PLD1: variants seen among roughly 807,000 people sequenced by gnomAD.
The protein encoded by PLD1 is choline phosphatase 1.
Under a neutral mutation model 137.1 loss-of-function variants are expected in PLD1, and 112 were observed. That is an observed-to-expected ratio of 0.82 (90% CI 0.70 to 0.96). The LOEUF (loss-of-function observed/expected upper bound fraction) is 0.96, where lower values mean the gene tolerates loss of function less well. PLD1 is among the 40% of genes least tolerant of loss of function. The pLI, the probability that PLD1 is intolerant of heterozygous loss-of-function variation, is 0.00. For missense variants in PLD1, 1,321 were observed against 1,342.0 expected (o/e 0.98, Z 0.24); for synonymous variants, 431 against 454.7 (o/e 0.95, Z 0.66).
At chr3:171,703,162 T>G (rs1321357592) in intron 11 of PLD1, among the ~76,000 whole-genome samples, 1 of 151,920 alleles carries the variant, frequency 6.6e-6, no homozygotes, top group African/African-American at 2.4e-5. Context: ...CAATAAATAC[T>G]CCCAACAAAT....
intron 19 of PLD1, among the ~76,000 whole-genome samples, chr3:171,664,584 A>G (rs1375779681): frequency 2.6e-5 from 4 of 151,926 alleles, no homozygotes; most frequent in Non-Finnish European, 4.4e-5. Flanking sequence ...CAGCGTCCCA[A>G]GTAGCTGGGA....
At chr3:171,650,083 G>T (rs1736597757) in intron 21 of PLD1, among the ~76,000 whole-genome samples, 1 of 152,256 alleles carries the variant, frequency 6.6e-6, no homozygotes, top group East Asian at 1.9e-4. Flanking sequence ...CATTGCTCCC[G>T]GGGTGGCACT....
intron 1 of PLD1, among the ~76,000 whole-genome samples, chr3:171,752,383 G>C (rs1238870768): frequency 6.6e-6 from 1 of 152,204 alleles, no homozygotes; most frequent in Non-Finnish European, 1.5e-5. Context: ...TTTTATTTCT[G>C]TGGTCTCTAT....
At position 171,799,714 on chromosome 3, in the gene PLD1, C is replaced by T. The variant is rs376251113; in HGVS notation, c.-32+10685G>A. ...ACTTCAGTGAGGTGATCAAAGTGGACATCACCAGTGATAAGTCATGCTGAT... is the reference window on the plus strand; with the variant it reads ...ACTTCAGTGAGGTGATCAAAGTGGATATCACCAGTGATAAGTCATGCTGAT... On this transcript the variant is annotated intron_variant, in intron 1 of 26. Coordinates refer to ENST00000351298, the MANE Select transcript of PLD1 (RefSeq NM_002662.5). Among the ~76,000 whole-genome samples the T allele has an allele frequency of 3.3e-5, 5 of 152,324 alleles. No individual in the cohort carries two copies. In the South Asian group the frequency reaches 6.2e-4, roughly 19 times the overall value.
intron 19 of PLD1, among the ~76,000 whole-genome samples, chr3:171,664,345 T>A (rs1711862788): frequency 6.6e-6 from 1 of 152,188 alleles, no homozygotes; most frequent in Non-Finnish European, 1.5e-5. Context: ...AACATAGCAC[T>A]GAAAATGCAG....
intron 12 of PLD1, among the ~76,000 whole-genome samples, chr3:171,697,110 C>T (rs1715773288): frequency 6.6e-6 from 1 of 152,142 alleles, no homozygotes; most frequent in East Asian, 1.9e-4. Flanking sequence ...CCTACCGAGG[C>T]ATTTACTAGC....
intron 16 of PLD1, among the ~76,000 whole-genome samples, chr3:171,679,647 C>T (rs1161855701): frequency 5.3e-5 from 8 of 152,184 alleles, no homozygotes; most frequent in Non-Finnish European, 1.2e-4. Context: ...ACCTAACAAC[C>T]AGTTATGATA....
At position 171,609,507 on chromosome 3, in the gene PLD1, A is replaced by AACACAC. The variant is rs371080467; in HGVS notation, c.2882+2766_2882+2771dup. Among the ~76,000 whole-genome samples the AACACAC allele has an allele frequency of 1.8e-3, 245 of 136,956 alleles. 1 individual carries two copies. The highest frequency in any genetic ancestry group is 6.1e-3 in the East Asian group (28 of 4,576). The allele number at this position is 136,956 out of a possible 152,430, so 89.8% of individuals were successfully genotyped here. On this transcript the variant is annotated intron_variant, in intron 25 of 26. Transcript: ENST00000351298. ...CCTGAGCAGACAATTACATAAAGAA[A>AACACAC]ACACACACACACACACACACACACA...
rs118153684 is a variant in PLD1 at position 171,768,821 on chromosome 3, T to G, written c.-31-30739A>C. 1.1e-4 allele frequency among the ~76,000 whole-genome samples: 16 copies of G among 152,338 alleles called. No individual in the cohort carries two copies. The East Asian group carries it at 2.7e-3, about 26-fold the overall frequency. ...GATGTGTGAGACATCTAAGTCACTT[T>G]GACTATCAACAAGAAAGCATGTTGG... On this transcript the variant is annotated intron_variant, in intron 1 of 26. Transcript: ENST00000351298.
intron 1 of PLD1, among the ~76,000 whole-genome samples, chr3:171,746,882 G>A (rs780285652): frequency 1.4e-4 from 22 of 152,214 alleles, no homozygotes; most frequent in African/African-American, 3.9e-4. Flanking sequence ...CCTTCAATAC[G>A]GTGGAAGGTT....
intron 1 of PLD1, among the ~76,000 whole-genome samples, chr3:171,795,645 C>T (rs1308947633): frequency 6.6e-6 from 1 of 152,204 alleles, no homozygotes; most frequent in Non-Finnish European, 1.5e-5. Context: ...ACCTGCCATT[C>T]CTGCTTAATT....
chr3:171,767,143 G>C (rs1280523360), intron 1 of PLD1, among the ~76,000 whole-genome samples: 1 of 152,206 alleles, frequency 6.6e-6, no homozygotes, highest in Non-Finnish European at 1.5e-5. Context: ...CAAGTTCCTA[G>C]CTTTAGTGGC....
At chr3:171,724,622 A>G in intron 8 of PLD1, 74 bp downstream of exon 8, 2 of 821,744 alleles carry the variant, frequency 2.4e-6, no homozygotes, top group Non-Finnish European at 4.2e-6. Context: ...TATAATTTAA[A>G]ACTGGTATGT....
At position 171,603,192 on chromosome 3, in the gene PLD1, C is replaced by T; in HGVS notation, c.3111G>A (p.Leu1037=). Residue 1037 remains leucine, a synonymous_variant, in exon 27 of 27, where the codon CTG becomes CTA. Coordinates refer to ENST00000351298, the MANE Select transcript of PLD1 (RefSeq NM_002662.5). ...GCACCAAAAATCCACGGATCTTCTTCAGTTCCTCCTCAGCTCGAATGGGAT... is the reference window on the plus strand; with the variant it reads ...GCACCAAAAATCCACGGATCTTCTTTAGTTCCTCCTCAGCTCGAATGGGAT... The part of the protein sequence containing the change: ...KEDPIRAEEE[L]KKIRGFLVQF... The T allele has an allele frequency of 1.2e-6, 2 of 1,614,076 alleles. No individual in the cohort carries two copies. The highest frequency in any genetic ancestry group is 1.7e-6 in the Non-Finnish European group (2 of 1,179,932).
chr3:171,809,624 A>C (rs1211306043), intron 1 of PLD1: 1 of 152,306 alleles, frequency 6.6e-6, no homozygotes, highest in African/African-American at 2.4e-5. Context: ...GAAGTAAAGA[A>C]AGCAATAATC....
intron 6 of PLD1, 39 bp from the exon 7 acceptor site, chr3:171,726,115 C>A: frequency 7.0e-7 from 1 of 1,431,872 alleles, no homozygotes; most frequent in Non-Finnish European, 9.9e-7. Context: ...GCAAGCAAAA[C>A]AATTCAAATT....
chr3:171,644,949 C>T lies in PLD1; in HGVS notation c.2504G>A (p.Gly835Glu). Residue 835 changes from glycine to glutamate, a missense_variant, in exon 22 of 27, where the codon GGA (glycine) becomes GAA (glutamate). Coordinates refer to ENST00000351298, the MANE Select transcript of PLD1 (RefSeq NM_002662.5). ...PGFEGDISTG[G>E]GNALQAIMHF... ...CATGATTGCCTGTAGAGCATTTCCT[C>T]CGCCGGTTGAAATGTCTCCTTCGAA... The T allele has an allele frequency of 6.2e-7, 1 of 1,613,890 alleles. No homozygotes were observed. The highest frequency in any genetic ancestry group is 8.5e-7 in the Non-Finnish European group (1 of 1,179,772).
intron 8 of PLD1, among the ~76,000 whole-genome samples, chr3:171,720,895 G>C (rs1456424917): frequency 1.3e-5 from 2 of 152,144 alleles, no homozygotes; most frequent in Non-Finnish European, 2.9e-5. Flanking sequence ...CTTCTCATAA[G>C]GGTTAAATCC....
At chr3:171,806,475 T>A (rs1340221810) in intron 1 of PLD1, among the ~76,000 whole-genome samples, 1 of 152,392 alleles carries the variant, frequency 6.6e-6, no homozygotes, top group African/African-American at 2.4e-5. Flanking sequence ...TTTCTCATTT[T>A]AACCCTGCAA....
Sources: gnomAD v4.1 joint callset for allele counts (sites outside exome capture counted in the v4.1 genomes callset) on GRCh38, gnomAD v4.1.1 for gene constraint, MANE v1.5 for transcripts, NCBI Gene and HGNC (gene_info 2026-07-23, HGNC 2026-07-21) for gene names.